Variants in GRM5 observed in about 807,000 individuals in gnomAD.
GRM5 encodes the protein glutamate metabotropic receptor 5.
In GRM5, 19 loss-of-function variants were observed where a neutral mutation model predicts 83.1. That is an observed-to-expected ratio of 0.23 (90% CI 0.16 to 0.34). GRM5 has a LOEUF of 0.34. GRM5 is among the 10% of genes least tolerant of loss of function. GRM5 has a pLI of 1.00. For synonymous variants in GRM5, 675 were observed against 633.6 expected (o/e 1.07, Z -0.98); for missense variants, 1,160 against 1,588.3 (o/e 0.73, Z 4.58).
At chr11:88,616,493 AG>A (rs1157813632) in intron 4 of GRM5, among the ~76,000 whole-genome samples, 2 of 149,998 alleles carry the variant, frequency 1.3e-5, no homozygotes, top group African/African-American at 2.4e-5. Context: ...CAGTGGAAAA[AG>A]GGGGAAACAC....
chr11:88,596,186 C>G (rs11020591), intron 6 of GRM5, among the ~76,000 whole-genome samples: 1 of 152,050 alleles, frequency 6.6e-6, no homozygotes, highest in Non-Finnish European at 1.5e-5. Flanking sequence ...TTCCACAACT[C>G]GGCATCAAAT....
chr11:88,733,488 T>C (rs1020660960), intron 3 of GRM5, among the ~76,000 whole-genome samples: 1 of 152,048 alleles, frequency 6.6e-6, no homozygotes, highest in African/African-American at 2.4e-5. Context: ...AATTATCTCT[T>C]TTCAATTTAA....
intron 4 of GRM5, among the ~76,000 whole-genome samples, chr11:88,627,861 A>C (rs562319040): frequency 6.6e-6 from 1 of 152,310 alleles, no homozygotes; most frequent in East Asian, 1.9e-4. Flanking sequence ...ATATTTTTAA[A>C]TATGGTTTTT....
At chr11:88,774,737 T>C (rs1942812642) in intron 3 of GRM5, among the ~76,000 whole-genome samples, 1 of 152,210 alleles carries the variant, frequency 6.6e-6, no homozygotes, top group Non-Finnish European at 1.5e-5. Context: ...GTTCTGTTCA[T>C]GTGATGGATT....
intron 7 of GRM5, among the ~76,000 whole-genome samples, chr11:88,578,106 G>C (rs1591360806): frequency 6.6e-6 from 1 of 152,024 alleles, no homozygotes; most frequent in Admixed American, 6.6e-5. Context: ...TCTCTCTCTA[G>C]CTTGTTTAGG....
At chr11:89,002,686 A>T (rs1323853319) in intron 2 of GRM5, among the ~76,000 whole-genome samples, 1 of 152,126 alleles carries the variant, frequency 6.6e-6, no homozygotes. Flanking sequence ...ACCACTGATT[A>T]TATTCTCCTG....
intron 3 of GRM5, among the ~76,000 whole-genome samples, chr11:88,727,634 G>A (rs1941713081): frequency 6.6e-6 from 1 of 152,112 alleles, no homozygotes; most frequent in Non-Finnish European, 1.5e-5. Flanking sequence ...CACATAATTG[G>A]AAGTAAAACA....
intron 6 of GRM5, among the ~76,000 whole-genome samples, chr11:88,593,243 A>T (rs1937688053): frequency 6.6e-6 from 1 of 152,224 alleles, no homozygotes; most frequent in East Asian, 1.9e-4. Context: ...ATCATGAATG[A>T]AATCGCTGTT....
At chr11:88,661,521 A>G (rs940339744) in intron 3 of GRM5, among the ~76,000 whole-genome samples, 1 of 151,874 alleles carries the variant, frequency 6.6e-6, no homozygotes, top group Admixed American at 6.6e-5. Context: ...TGTTCTACCC[A>G]CATGTAATCA....
At chr11:88,727,114 G>A (rs1191965296) in intron 3 of GRM5, among the ~76,000 whole-genome samples, 1 of 152,118 alleles carries the variant, frequency 6.6e-6, no homozygotes, top group Non-Finnish European at 1.5e-5. Flanking sequence ...AAAGAGTCAA[G>A]ACCCATCAGT....
At chr11:88,613,119 C>T (rs188598914) in intron 4 of GRM5, among the ~76,000 whole-genome samples, 53 of 152,244 alleles carry the variant, frequency 3.5e-4, no homozygotes, top group Middle Eastern at 3.4e-3. Flanking sequence ...TTCCTGAGCA[C>T]GTGCTCATCT....
rs1393323175 is a variant in GRM5, at chr11:88,565,309, G to A, written c.2630+1744C>T. 3.9e-5 allele frequency among the ~76,000 whole-genome samples: 6 copies of A among 152,158 alleles called. No individual in the cohort carries two copies. The East Asian group carries it at 1.2e-3, about 29-fold the overall frequency. ...TATCTCCTTCATTTTTTACAATCCA[G>A]TTTGTCAGATGATAGAAATAAGGTG... On this transcript the variant is annotated intron_variant, in intron 8 of 9. Transcript: ENST00000305447.
chr11:88,587,885 T>C (rs1244681766), intron 7 of GRM5, among the ~76,000 whole-genome samples: 1 of 152,192 alleles, frequency 6.6e-6, no homozygotes, highest in African/African-American at 2.4e-5. Context: ...AGTTTTCCTG[T>C]TTCTTTGTGT....
intron 4 of GRM5, among the ~76,000 whole-genome samples, chr11:88,621,576 T>C (rs111649614): frequency 1.4e-4 from 22 of 152,190 alleles, no homozygotes; most frequent in Non-Finnish European, 2.6e-4. Context: ...ATTGTACATC[T>C]AGTACAATTT....
chr11:88,815,450 A>G (rs753469439), intron 3 of GRM5, among the ~76,000 whole-genome samples: 1 of 152,208 alleles, frequency 6.6e-6, no homozygotes, highest in Non-Finnish European at 1.5e-5. Flanking sequence ...ATTAGAAAAG[A>G]AAGAAGGTTC....
At chr11:88,735,049 C>T (rs1484925958) in intron 3 of GRM5, among the ~76,000 whole-genome samples, 1 of 150,702 alleles carries the variant, frequency 6.6e-6, no homozygotes, top group African/African-American at 2.5e-5. Context: ...TTTTACAATT[C>T]AAAATAAACC....
At chr11:88,650,449 A>T (rs1425882934) in intron 4 of GRM5, among the ~76,000 whole-genome samples, 3 of 152,006 alleles carry the variant, frequency 2.0e-5, no homozygotes, top group African/African-American at 4.8e-5. Flanking sequence ...AAAGGAGCTT[A>T]ACTTTGAAAT....
Position 89,009,922 on chromosome 11 carries a change from A to AC in GRM5, c.661+37289_661+37290insG, listed in dbSNP as rs1565333909. 2.5e-3 allele frequency among the ~76,000 whole-genome samples: 342 copies of AC among 138,022 alleles called. 16 individuals are homozygous for AC. Among genetic ancestry groups the AC allele is most frequent in the African/African-American group, 8.2e-3 (301 of 36,766 alleles). The allele number at this position is 138,022 out of a possible 152,430, so 90.5% of individuals were successfully genotyped here. ...TCTCAAAAAAAAAAAAAAAAAAAAAAAAAAAAAACACACACAAAATCAAAA... is the reference window on the plus strand; with the variant it reads ...TCTCAAAAAAAAAAAAAAAAAAAAAACAAAAAAAACACACACAAAATCAAAA... On this transcript the variant is annotated intron_variant, in intron 2 of 9. Coordinates refer to ENST00000305447, the MANE Select transcript of GRM5 (RefSeq NM_001143831.3).
Position 88,509,191 on chromosome 11 carries a change from C to A in GRM5, c.3040G>T (p.Ala1014Ser). Residue 1014 changes from alanine to serine, a missense_variant, in exon 10 of 10, where the codon GCG (alanine) becomes TCG (serine). Around this residue, in one of 9 missense-constraint regions of GRM5, gnomAD observed 562 missense variants for 532.4 expected, o/e 1.06. Transcript: ENST00000305447. Reference protein sequence around the residue: ...AEAEEHFPAPARPRSPSPIST... With the variant: ...AEAEEHFPAPSRPRSPSPIST... ...ATGGGCGACGGTGAGCGCGGCCGCG[C>A]GGGCGCCGGGAAGTGCTCCTCAGCC... 1.3e-6 allele frequency: 2 copies of A among 1,533,716 alleles called. No homozygotes were observed. The highest frequency in any genetic ancestry group is 2.2e-4 in the Middle Eastern group (1 of 4,574).
Sources: allele counts gnomAD v4.1 joint callset (sites outside exome capture counted in the v4.1 genomes callset), GRCh38; gene constraint gnomAD v4.1.1; regional missense constraint gnomAD v4.1.1; transcripts MANE v1.5; gene names NCBI Gene and HGNC (gene_info 2026-07-23, HGNC 2026-07-21).